TTC27: variants seen among roughly 807,000 people sequenced by gnomAD.
The protein encoded by TTC27 is tetratricopeptide repeat domain 27.
Under a neutral mutation model 115.9 loss-of-function variants are expected in TTC27, and 79 were observed. The ratio of observed to expected loss-of-function variants is 0.68; its 90% CI spans 0.57 to 0.82. TTC27 has a LOEUF of 0.82. TTC27 is among the 40% of genes least tolerant of loss of function. The pLI, the probability that TTC27 is intolerant of heterozygous loss-of-function variation, is 0.00. For synonymous variants in TTC27, 401 were observed against 356.0 expected (o/e 1.13, Z -1.42); for missense variants, 1,054 against 993.1 (o/e 1.06, Z -0.82).
chr2:32,753,796 T>A (rs1412813161), intron 12 of TTC27, among the ~76,000 whole-genome samples: 2 of 152,056 alleles, frequency 1.3e-5, no homozygotes, highest in East Asian at 3.9e-4. Flanking sequence ...CCGGGCACAG[T>A]GGCTCACACC....
In TTC27 at chr2:32,643,088, G is replaced by A. The variant is rs548242615; in HGVS notation, c.537+2678G>A. 2.6e-5 allele frequency among the ~76,000 whole-genome samples: 4 copies of A among 152,264 alleles called. No individual in the cohort carries two copies. In the East Asian group the frequency reaches 7.7e-4, roughly 29 times the overall value. On this transcript the variant is annotated intron_variant, in intron 4 of 19. Coordinates refer to ENST00000317907, the MANE Select transcript of TTC27 (RefSeq NM_017735.5). The stretch of plus-strand genomic sequence containing the variant: ...AGGTTCAAGTGATTTTCCCACCTCA[G>A]CCTCCCAAGTAGCTGGGACTACAGG...
At chr2:32,795,760 G>T (rs1304360449) in intron 16 of TTC27, among the ~76,000 whole-genome samples, 1 of 63,450 alleles carries the variant, frequency 1.6e-5, no homozygotes, top group Non-Finnish European at 3.4e-5. Flanking sequence ...TATTATTTTA[G>T]TAGAGATGGG....
At chr2:32,818,595 A>G (rs1671584320) in intron 19 of TTC27, among the ~76,000 whole-genome samples, 1 of 152,216 alleles carries the variant, frequency 6.6e-6, no homozygotes, top group Non-Finnish European at 1.5e-5. Context: ...TGAATTTCCT[A>G]TGTGATTTTA....
chr2:32,687,914 TA>T (rs1666688607), intron 9 of TTC27, among the ~76,000 whole-genome samples: 1 of 152,182 alleles, frequency 6.6e-6, no homozygotes, highest in Non-Finnish European at 1.5e-5. Context: ...AAACAGCAAG[TA>T]AATACATAGA....
intron 3 of TTC27, among the ~76,000 whole-genome samples, chr2:32,637,939 T>C (rs538874852): frequency 6.6e-6 from 1 of 152,322 alleles, no homozygotes; most frequent in East Asian, 1.9e-4. Flanking sequence ...CACCATGGTG[T>C]AGTGCCAGTC....
chr2:32,820,173 T>TA (rs1357352882), intron 19 of TTC27, among the ~76,000 whole-genome samples: 1 of 152,212 alleles, frequency 6.6e-6, no homozygotes, highest in Non-Finnish European at 1.5e-5. Context: ...CACATACACA[T>TA]ACCATGGGGT....
intron 12 of TTC27, among the ~76,000 whole-genome samples, chr2:32,753,326 C>T (rs1280523524): frequency 6.6e-6 from 1 of 151,906 alleles, no homozygotes; most frequent in Non-Finnish European, 1.5e-5. Flanking sequence ...GTCCCAAGCC[C>T]ACCCAGAGCA....
At chr2:32,727,668 A>G (rs928134294) in intron 10 of TTC27, among the ~76,000 whole-genome samples, 1 of 152,212 alleles carries the variant, frequency 6.6e-6, no homozygotes, top group Non-Finnish European at 1.5e-5. Context: ...GGATCTAGCT[A>G]TCATCTATTA....
intron 5 of TTC27, among the ~76,000 whole-genome samples, chr2:32,660,965 C>G (rs1665525369): frequency 6.6e-6 from 1 of 152,052 alleles, no homozygotes; most frequent in African/African-American, 2.4e-5. Context: ...AGGAAGGGGT[C>G]CAGTTTCAGT....
At chr2:32,741,119 A>G (rs2151918616) in intron 12 of TTC27, among the ~76,000 whole-genome samples, 1 of 152,356 alleles carries the variant, frequency 6.6e-6, no homozygotes, top group Admixed American at 6.5e-5. Context: ...GCGCCGTCTC[A>G]CTTCAGACCT....
At chr2:32,708,060 A>C (rs1667438560) in intron 10 of TTC27, among the ~76,000 whole-genome samples, 1 of 152,162 alleles carries the variant, frequency 6.6e-6, no homozygotes, top group Non-Finnish European at 1.5e-5. Flanking sequence ...AGCAAATTAA[A>C]TAGTACAGTT....
At chr2:32,782,112 A>T (rs113362715) in intron 14 of TTC27, among the ~76,000 whole-genome samples, 1,813 of 152,300 alleles carry the variant, frequency 0.012, 33 homozygotes, top group African/African-American at 0.04. Context: ...AAGCTGATTT[A>T]AAAAAACATT....
intron 5 of TTC27, among the ~76,000 whole-genome samples, chr2:32,655,057 C>T (rs761262278): frequency 4.0e-5 from 6 of 151,060 alleles, no homozygotes; most frequent in Admixed American, 2.0e-4. Flanking sequence ...GGCGTGACCT[C>T]GGCTCAACTC....
In TTC27 at chr2:32,782,687, A is replaced by C. The variant is rs1010497939; in HGVS notation, c.1832+9A>C. 2.5e-6 allele frequency: 4 copies of C among 1,603,012 alleles called. No individual in the cohort carries two copies. Among genetic ancestry groups the C allele is most frequent in the Non-Finnish European group, 3.4e-6 (4 of 1,172,554 alleles). On this transcript the variant is annotated intron_variant, in intron 15 of 19. Coordinates refer to ENST00000317907, the MANE Select transcript of TTC27 (RefSeq NM_017735.5). ...ATCCGATTAAAACAAAAGTAAGTAC[A>C]TCAGACAAATATGAAGAAATTTGCT...
chr2:32,737,148 A>G (rs927105919), intron 12 of TTC27, among the ~76,000 whole-genome samples: 2 of 152,186 alleles, frequency 1.3e-5, no homozygotes, highest in African/African-American at 2.4e-5. Context: ...GTGGGCCTCA[A>G]TGGAGGTTCC....
intron 12 of TTC27, among the ~76,000 whole-genome samples, chr2:32,753,399 A>AAAG (rs1430425695): frequency 6.6e-6 from 1 of 150,576 alleles, no homozygotes; most frequent in Admixed American, 6.6e-5. Context: ...ATGGGAGACT[A>AAAG]AAGCATACTC....
chr2:32,679,673 A>G (rs1378661562), intron 9 of TTC27, among the ~76,000 whole-genome samples: 3 of 152,218 alleles, frequency 2.0e-5, no homozygotes, highest in Non-Finnish European at 4.4e-5. Flanking sequence ...AAGGCAAAAT[A>G]AAATACTTTT....
intron 9 of TTC27, among the ~76,000 whole-genome samples, chr2:32,684,641 A>G (rs1018079685): frequency 1.3e-5 from 2 of 152,142 alleles, no homozygotes; most frequent in South Asian, 2.1e-4. Flanking sequence ...TGATCATAAC[A>G]TAGTTTGCTA....
At chr2:32,735,223 A>T (rs1450441603) in intron 11 of TTC27, among the ~76,000 whole-genome samples, 1 of 152,210 alleles carries the variant, frequency 6.6e-6, no homozygotes, top group Non-Finnish European at 1.5e-5. Context: ...TCAATAAAAC[A>T]TATGCAAGTA....
Sources: gnomAD v4.1 joint callset for allele counts (sites outside exome capture counted in the v4.1 genomes callset) on GRCh38, gnomAD v4.1.1 for gene constraint, MANE v1.5 for transcripts, NCBI Gene and HGNC (gene_info 2026-07-23, HGNC 2026-07-21) for gene names.